The following TGFBR3 variants were observed in gnomAD, a reference collection of about 807,000 sequenced individuals.
The protein encoded by TGFBR3 is transforming growth factor beta receptor 3, also known as transforming growth factor beta receptor type 3.
Under a neutral mutation model 87.9 loss-of-function variants are expected in TGFBR3, and 46 were observed. The ratio of observed to expected loss-of-function variants is 0.52; its 90% confidence interval spans 0.41 to 0.67. TGFBR3 has a LOEUF of 0.67. TGFBR3 is among the 30% of genes least tolerant of loss of function. The pLI is 0.00. For missense variants in TGFBR3, 866 were observed against 1,041.9 expected (o/e 0.83, Z 2.32); for synonymous variants, 381 against 391.6 (o/e 0.97, Z 0.32).
intron 2 of TGFBR3, among the ~76,000 whole-genome samples, chr1:91,830,694 C>A (rs533719233): frequency 6.6e-6 from 1 of 152,198 alleles, no homozygotes; most frequent in South Asian, 2.1e-4. Flanking sequence ...CAATACCCCA[C>A]CCCTGACAGA....
intron 2 of TGFBR3, among the ~76,000 whole-genome samples, chr1:91,804,665 C>A (rs1044319037): frequency 1.3e-5 from 2 of 152,172 alleles, no homozygotes; most frequent in Admixed American, 6.5e-5. Flanking sequence ...GAGTATAGCA[C>A]CTCCCAGCCA....
intron 2 of TGFBR3, among the ~76,000 whole-genome samples, chr1:91,830,716 G>T (rs987659485): frequency 6.6e-6 from 1 of 152,122 alleles, no homozygotes; most frequent in African/African-American, 2.4e-5. Context: ...CTCGGTCTGG[G>T]GCACAGGAAG....
intron 4 of TGFBR3, among the ~76,000 whole-genome samples, chr1:91,758,122 T>C (rs776667891): frequency 6.6e-6 from 1 of 152,206 alleles, no homozygotes; most frequent in Non-Finnish European, 1.5e-5. Context: ...TTCCAGCTTG[T>C]TTTTTTAATA....
At chr1:91,741,018 G>A (rs1040230488) in intron 4 of TGFBR3, among the ~76,000 whole-genome samples, 3 of 152,084 alleles carry the variant, frequency 2.0e-5, no homozygotes, top group African/African-American at 7.2e-5. Context: ...TTCTGACATC[G>A]CATGTCTGGG....
intron 2 of TGFBR3, among the ~76,000 whole-genome samples, chr1:91,861,080 T>G (rs757369273): frequency 1.3e-5 from 2 of 152,108 alleles, no homozygotes; most frequent in Non-Finnish European, 2.9e-5. Context: ...ACAAAAATGC[T>G]TTCTTGAAAT....
At chr1:91,818,205 A>C (rs1250667698) in intron 2 of TGFBR3, among the ~76,000 whole-genome samples, 1 of 145,880 alleles carries the variant, frequency 6.9e-6, no homozygotes, top group Non-Finnish European at 1.5e-5. Flanking sequence ...ACCAGCTGTT[A>C]GTTTATATTT....
intron 1 of TGFBR3, among the ~76,000 whole-genome samples, chr1:91,902,271 T>TTGTGTGTGTGTGTGTGTGTGTG (rs200355608): frequency 1.3e-5 from 2 of 148,354 alleles, no homozygotes; most frequent in African/African-American, 5.0e-5. Context: ...TCCTTTTCTT[T>TTGTGTGTGTGTGTGTGTGTGTG]TGTGTGTGTG....
intron 2 of TGFBR3, among the ~76,000 whole-genome samples, chr1:91,801,548 G>T (rs144107421): frequency 6.6e-6 from 1 of 152,186 alleles, no homozygotes; most frequent in Non-Finnish European, 1.5e-5. Context: ...GAGATCTACC[G>T]TTTTGTAACT....
intron 2 of TGFBR3, among the ~76,000 whole-genome samples, chr1:91,828,474 C>T (rs1484396219): frequency 6.6e-6 from 1 of 152,206 alleles, no homozygotes; most frequent in African/African-American, 2.4e-5. Context: ...CTTGTGGTTA[C>T]GCTTTGACTT....
chr1:91,846,741 C>A (rs897459435), intron 2 of TGFBR3, among the ~76,000 whole-genome samples: 2 of 152,068 alleles, frequency 1.3e-5, no homozygotes, highest in African/African-American at 4.8e-5. Context: ...TAAAATAAAT[C>A]TCATCTCAAA....
chr1:91,838,161 CTAAGA>C (rs1391204018), intron 2 of TGFBR3, among the ~76,000 whole-genome samples: 1 of 152,152 alleles, frequency 6.6e-6, no homozygotes, highest in Non-Finnish European at 1.5e-5. Context: ...GATTCCCCTA[CTAAGA>C]TATCTCTTCT....
chr1:91,712,447 G>C lies in TGFBR3; in HGVS notation c.1962C>G (p.Thr654=). 6.2e-7 allele frequency: 1 copy of C among 1,613,772 alleles called. No individual in the cohort carries two copies. Among genetic ancestry groups the C allele is most frequent in the Non-Finnish European group, 8.5e-7 (1 of 1,179,684 alleles). ...YSNPDRMSHY[T]IIENICPKDE... ...CTTTAGGACAAATATTCTCAATAAT[G>C]GTGTAATGAGACATCCTATCAGGGT... The change falls in exon 13 of 17, where the codon ACC becomes ACG. Residue 654 remains threonine (T), a synonymous_variant. Coordinates refer to ENST00000212355, the MANE Select transcript of TGFBR3 (RefSeq NM_003243.5).
chr1:91,742,384 T>C (rs1673188038), intron 4 of TGFBR3, among the ~76,000 whole-genome samples: 1 of 152,246 alleles, frequency 6.6e-6, no homozygotes, highest in Non-Finnish European at 1.5e-5. Context: ...GCTTGTTGAA[T>C]GAAAGCTCAA....
At chr1:91,728,005 T>C (rs1355048480) in intron 6 of TGFBR3, 199 bp from the exon 7 acceptor site, 9 of 619,880 alleles carry the variant, frequency 1.5e-5, no homozygotes, top group Non-Finnish European at 2.6e-5. Context: ...TAGAAACATA[T>C]GCTTGCTGAT....
At chr1:91,720,644 T>C (rs571798073) in intron 8 of TGFBR3, among the ~76,000 whole-genome samples, 1 of 152,354 alleles carries the variant, frequency 6.6e-6, no homozygotes, top group African/African-American at 2.4e-5. Context: ...TCTCTCCATG[T>C]GTAACTGCAA....
rs753501360 is a variant in TGFBR3, at chr1:91,727,817, A to C, written c.738-11T>G. The C allele has an allele frequency of 1.9e-6, 3 of 1,613,608 alleles. No individual in the cohort carries two copies. The highest frequency in any genetic ancestry group is 2.5e-6 in the Non-Finnish European group (3 of 1,179,974). On this transcript the variant is annotated splice_polypyrimidine_tract_variant and intron_variant, in intron 6 of 16. Transcript: ENST00000212355. ...TCCACCTGGAAAGCACTGTGAATGG[A>C]AGACAAAGGCAAAGTTAAGACCTAC...
intron 2 of TGFBR3, among the ~76,000 whole-genome samples, chr1:91,819,594 T>A (rs1676373787): frequency 6.6e-6 from 1 of 152,190 alleles, no homozygotes; most frequent in Non-Finnish European, 1.5e-5. Context: ...CTGGTCATGA[T>A]TTATTTCTTA....
At chr1:91,890,388 A>G (rs1445064463), upstream of TGFBR3, among the ~76,000 whole-genome samples, 2 of 103,492 alleles carry the variant, frequency 1.9e-5, no homozygotes, top group Non-Finnish European at 4.1e-5. Context: ...TAGAAAAATC[A>G]TTTGGTTGTT....
Position 91,843,899 on chromosome 1 carries a change from C to T in TGFBR3, c.61+17572G>A, listed in dbSNP as rs747561397. Among the ~76,000 whole-genome samples the T allele has an allele frequency of 5.7e-4, 87 of 152,178 alleles. 1 individual carries two copies. Among genetic ancestry groups the T allele is most frequent in the South Asian group, 2.3e-3 (11 of 4,826 alleles). On this transcript the variant is annotated intron_variant, in intron 2 of 16. Coordinates refer to ENST00000212355, the MANE Select transcript of TGFBR3 (RefSeq NM_003243.5). ...AAAGTTACTCTTCATCTTGATAAAG[C>T]CCTCAGGTATTACCCACATTCAGAG...
Sources: allele counts gnomAD v4.1 joint callset (sites outside exome capture counted in the v4.1 genomes callset), GRCh38; gene constraint gnomAD v4.1.1; transcripts MANE v1.5; gene names NCBI Gene and HGNC (gene_info 2026-07-23, HGNC 2026-07-21).